The following ACYP2 variants were observed in gnomAD, a reference collection of about 807,000 sequenced individuals.
The protein encoded by ACYP2 is acylphosphatase 2.
In ACYP2, 12 loss-of-function variants were observed where a neutral mutation model predicts 11.2. The observed-to-expected ratio is 1.08, with a 90% CI of 0.69 to 1.74. The LOEUF (loss-of-function observed/expected upper bound fraction) is 1.74. Ranked by LOEUF, ACYP2 falls within the 40% of genes most tolerant of loss-of-function variation. ACYP2 has a pLI of 0.00. For missense variants in ACYP2, 134 were observed against 101.9 expected, an observed-to-expected ratio of 1.31 and a Z score of -1.35; for synonymous variants, 43 against 32.2, an observed-to-expected ratio of 1.33 and a Z score of -1.13.
chr2:54,113,771 C>T (rs558260460), intron 4 of ACYP2, among the ~76,000 whole-genome samples: 2 of 152,248 alleles, frequency 1.3e-5, no homozygotes, highest in Admixed American at 6.5e-5. Flanking sequence ...TTGTTTTAAA[C>T]CTCTGTACTG....
At chr2:53,988,378 T>A (rs1443071356) in intron 2 of ACYP2, among the ~76,000 whole-genome samples, 1 of 152,130 alleles carries the variant, frequency 6.6e-6, no homozygotes, top group Non-Finnish European at 1.5e-5. Flanking sequence ...CCTATGAATG[T>A]CCCAAGTAAT....
At chr2:54,267,243 A>G in intron 6 of ACYP2, 1 of 1,528,744 alleles carries the variant, frequency 6.5e-7, no homozygotes, top group South Asian at 1.3e-5. Flanking sequence ...AGCTCCCAAT[A>G]AAAACATTAT....
intron 4 of ACYP2, among the ~76,000 whole-genome samples, chr2:54,074,023 A>G (rs1337662991): frequency 6.6e-6 from 1 of 152,140 alleles, no homozygotes; most frequent in Admixed American, 6.5e-5. Context: ...CAGCAATTCC[A>G]CTGCTAGGTA....
chr2:54,161,453 T>A (rs1360982592), intron 6 of ACYP2, among the ~76,000 whole-genome samples: 3 of 152,210 alleles, frequency 2.0e-5, no homozygotes, highest in African/African-American at 7.2e-5. Flanking sequence ...CTCAAGGGCG[T>A]ATAGCAAGCT....
At chr2:54,120,217 G>A (rs1680067708) in intron 4 of ACYP2, among the ~76,000 whole-genome samples, 1 of 151,972 alleles carries the variant, frequency 6.6e-6, no homozygotes, top group Non-Finnish European at 1.5e-5. Flanking sequence ...ACATTCTCAA[G>A]GAGCTCCACG....
At chr2:54,137,560 G>A (rs1681325225) in intron 5 of ACYP2, among the ~76,000 whole-genome samples, 1 of 152,130 alleles carries the variant, frequency 6.6e-6, no homozygotes. Context: ...GTGTTAGTTT[G>A]CTAAGGATAA....
intron 4 of ACYP2, among the ~76,000 whole-genome samples, chr2:54,094,599 A>AC (rs1210670866): frequency 6.8e-6 from 1 of 147,790 alleles, no homozygotes; most frequent in Non-Finnish European, 1.5e-5. Context: ...AGGCAGTGGC[A>AC]CCATCTCGGC....
chr2:54,145,229 T>C (rs1423892529), intron 6 of ACYP2, among the ~76,000 whole-genome samples: 1 of 152,202 alleles, frequency 6.6e-6, no homozygotes, highest in Admixed American at 6.5e-5. Flanking sequence ...GCCTAGAAGA[T>C]TTCTACTTAA....
At chr2:54,131,066 C>G (rs1680871308) in intron 4 of ACYP2, among the ~76,000 whole-genome samples, 1 of 152,200 alleles carries the variant, frequency 6.6e-6, no homozygotes, top group Non-Finnish European at 1.5e-5. Context: ...AGATTGTAAA[C>G]TCTTAGATGC....
At chr2:54,264,167 G>A (rs1427014066) in intron 6 of ACYP2, among the ~76,000 whole-genome samples, 1 of 152,178 alleles carries the variant, frequency 6.6e-6, no homozygotes, top group Non-Finnish European at 1.5e-5. Flanking sequence ...CTTCCGGTGG[G>A]TTCGTGGTCT....
intron 6 of ACYP2, among the ~76,000 whole-genome samples, chr2:54,182,824 G>A (rs569200599): frequency 1.2e-4 from 19 of 152,096 alleles, no homozygotes; most frequent in Admixed American, 2.6e-4. Context: ...TGCCTATAGC[G>A]GCAGTGCCCA....
chr2:54,135,859 C>G (rs1006128290), intron 5 of ACYP2, among the ~76,000 whole-genome samples: 1 of 152,136 alleles, frequency 6.6e-6, no homozygotes, highest in Non-Finnish European at 1.5e-5. Context: ...GAAGTGGTTC[C>G]CAGGATTTAG....
chr2:54,129,056 C>A (rs1680734926), intron 4 of ACYP2, among the ~76,000 whole-genome samples: 1 of 152,114 alleles, frequency 6.6e-6, no homozygotes, highest in South Asian at 2.1e-4. Context: ...CAATTTGGCA[C>A]CCATATGTGT....
chr2:54,037,448 T>G (rs1674964670), intron 2 of ACYP2, among the ~76,000 whole-genome samples: 1 of 152,088 alleles, frequency 6.6e-6, no homozygotes, highest in African/African-American at 2.4e-5. Context: ...TCTTGCTCTG[T>G]CACCCAGGCT....
chr2:54,001,369 A>T (rs891989709), intron 2 of ACYP2, among the ~76,000 whole-genome samples: 1 of 150,140 alleles, frequency 6.7e-6, no homozygotes, highest in Non-Finnish European at 1.5e-5. Context: ...CCTCGTCTCT[A>T]AAAAAAAATA....
intron 2 of ACYP2, among the ~76,000 whole-genome samples, chr2:53,991,271 G>C (rs1188954749): frequency 6.6e-6 from 1 of 152,136 alleles, no homozygotes; most frequent in Non-Finnish European, 1.5e-5. Flanking sequence ...TGGACGTTTT[G>C]GTTGTTCCCA....
chr2:54,272,708 C>G (rs1241828971), intron 6 of ACYP2, among the ~76,000 whole-genome samples: 1 of 152,202 alleles, frequency 6.6e-6, no homozygotes, highest in African/African-American at 2.4e-5. Flanking sequence ...CAAATTCTCA[C>G]AGAGGCTATA....
At position 53,988,554 on chromosome 2, in the gene ACYP2, C is replaced by G. The variant is rs539628793; in HGVS notation, c.62+14744C>G. 4.6e-5 allele frequency among the ~76,000 whole-genome samples: 7 copies of G among 152,046 alleles called. No homozygotes were observed. The South Asian group carries it at 1.5e-3, about 32-fold the overall frequency. On this transcript the variant is annotated intron_variant, in intron 2 of 6. Coordinates refer to ENST00000607452, the MANE Select transcript of ACYP2 (RefSeq NM_001320586.2). ...AAGCTGGGACCACAGGCATGTGCCA[C>G]CATGCCTGGCTATATATATGTATAT...
intron 2 of ACYP2, among the ~76,000 whole-genome samples, chr2:54,020,670 C>T (rs896920554): frequency 7.2e-5 from 11 of 152,088 alleles, no homozygotes; most frequent in South Asian, 2.1e-4. Flanking sequence ...ATTAGTTGTG[C>T]GAGAATCCAT....
Sources: allele counts gnomAD v4.1 joint callset (sites outside exome capture counted in the v4.1 genomes callset), GRCh38; gene constraint gnomAD v4.1.1; transcripts MANE v1.5; gene names NCBI Gene and HGNC (gene_info 2026-07-23, HGNC 2026-07-21).